The following ZNF793 variants were observed in gnomAD, a reference collection of about 807,000 sequenced individuals.
ZNF793 encodes the protein zinc finger protein 793.
A neutral mutation model predicts 12.4 loss-of-function variants in ZNF793; 5 were observed. That is an observed-to-expected ratio of 0.40 (90% CI 0.21 to 0.84). The LOEUF (loss-of-function observed/expected upper bound fraction) is 0.84. ZNF793 is among the 40% of genes least tolerant of loss of function. The pLI is 0.35. For missense variants in ZNF793, 456 were observed against 495.0 expected (o/e 0.92, Z 0.75); for synonymous variants, 162 against 172.4 (o/e 0.94, Z 0.47).
At position 37,537,406 on chromosome 19, in the gene ZNF793, A is replaced by G. The variant is rs1327437256; in HGVS notation, c.748A>G (p.Thr250Ala). 2 of 1,613,096 alleles carry G rather than the reference A, an allele frequency of 1.2e-6. No homozygotes were observed. The highest frequency in any genetic ancestry group is 1.7e-6 in the Non-Finnish European group (2 of 1,179,400). Residue 250 changes from threonine (T) to alanine (A), a missense_variant, in exon 8 of 8, where the codon ACT (threonine) becomes GCT (alanine). Physicochemically the swap from Thr to Ala is moderately conservative, Grantham distance 58. Transcript: ENST00000627814. ...SEFIRHQRSH[T>A]GEKPYGCTDC... ...ATTCATTAGGCATCAGAGAAGTCAC[A>G]CTGGGGAGAAGCCTTATGGCTGCAC...
chr19:37,537,435 CTG>C lies in ZNF793; in HGVS notation c.780_781del (p.Cys260TrpfsTer7), dbSNP rs2042515793. 1 of 1,613,460 alleles carries C rather than the reference CTG, an allele frequency of 6.2e-7. No homozygotes were observed. The highest frequency in any genetic ancestry group is 8.5e-7 in the Non-Finnish European group (1 of 1,179,628). ...GGGAGAAGCCTTATGGCTGCACTGA[CTG>C]TGGGAAAGCCTTTTCACATAAGTCA... ...TGEKPYGCTD[C>X]GKAFSHKSTL... On this transcript the variant is annotated frameshift_variant, in exon 8 of 8. Transcript: ENST00000627814. LOFTEE classifies it low-confidence loss of function (END_TRUNC).
chr19:37,513,560 G>A (rs1410123613), intron 2 of ZNF793, among the ~76,000 whole-genome samples: 2 of 152,190 alleles, frequency 1.3e-5, no homozygotes. Context: ...GTCACATCAT[G>A]TGACAAAGTG....
chr19:37,523,631 C>G (rs2042391576), intron 5 of ZNF793, among the ~76,000 whole-genome samples, 177 bp downstream of exon 5: 1 of 152,120 alleles, frequency 6.6e-6, no homozygotes, highest in South Asian at 2.1e-4. Context: ...TCTTAGAACA[C>G]CTGTAAGACA....
intron 2 of ZNF793, among the ~76,000 whole-genome samples, chr19:37,516,080 G>C (rs1307277095): frequency 6.6e-6 from 1 of 151,986 alleles, no homozygotes; most frequent in Non-Finnish European, 1.5e-5. Context: ...AGAAGATACT[G>C]AGTTCACTTT....
At chr19:37,514,657 CTT>C (rs926694620) in intron 2 of ZNF793, among the ~76,000 whole-genome samples, 1 of 147,296 alleles carries the variant, frequency 6.8e-6, no homozygotes, top group African/African-American at 2.5e-5. Flanking sequence ...TTACCCAACC[CTT>C]TTTTTTTTAT....
At chr19:37,532,598 G>A (rs900216593) in intron 6 of ZNF793, 116 bp downstream of exon 6, 29 of 1,220,138 alleles carry the variant, frequency 2.4e-5, no homozygotes, top group Non-Finnish European at 2.2e-6. Flanking sequence ...ATCACCTGAG[G>A]TCAGGAGTTT....
At chr19:37,507,777 T>C (rs1489688426) in intron 1 of ZNF793, among the ~76,000 whole-genome samples, 2 of 152,232 alleles carry the variant, frequency 1.3e-5, no homozygotes, top group Admixed American at 1.3e-4. Context: ...GGGGGCTGTG[T>C]AATTTCACTG....
chr19:37,530,671 CAGA>C (rs1188391756), intron 5 of ZNF793, among the ~76,000 whole-genome samples: 1 of 152,160 alleles, frequency 6.6e-6, no homozygotes, highest in Non-Finnish European at 1.5e-5. Flanking sequence ...CATCTCAAGG[CAGA>C]AGAATTTTTC....
In ZNF793 at chr19:37,542,591, A is replaced by G. The variant is rs1263686442; in HGVS notation, c.*4712A>G. ...AACACTAGAATCAAAGTAAATACCC[A>G]TCAACTGGGAAATTGTAGAAAGGAA... On this transcript the variant is annotated 3_prime_UTR_variant, in exon 8 of 8. Coordinates refer to ENST00000627814, the MANE Select transcript of ZNF793 (RefSeq NM_001013659.3). 3.7e-6 allele frequency: 1 copy of G among 272,206 alleles called. No homozygotes were observed. The highest frequency in any genetic ancestry group is 7.5e-6 in the Non-Finnish European group (1 of 132,598). 16.9% of individuals were successfully genotyped at this position (272,206 alleles called of 1,614,324 possible). A position where few individuals can be genotyped will look rare whatever the true frequency, so the allele number is the denominator to read the frequency against.
At chr19:37,523,805 T>C (rs73632245) in intron 5 of ZNF793, among the ~76,000 whole-genome samples, 5,160 of 152,162 alleles carry the variant, frequency 0.034, 310 homozygotes, top group African/African-American at 0.12. Flanking sequence ...CCGAGGAGGG[T>C]AGATATCCTT....
At chr19:37,522,900 TG>T (rs1331667281) in intron 4 of ZNF793, among the ~76,000 whole-genome samples, 1 of 152,230 alleles carries the variant, frequency 6.6e-6, no homozygotes, top group South Asian at 2.1e-4. Context: ...TTAAATGTCT[TG>T]GGGTGTGGGG....
chr19:37,527,136 A>G (rs1278701952), intron 5 of ZNF793, among the ~76,000 whole-genome samples: 1 of 152,032 alleles, frequency 6.6e-6, no homozygotes, highest in Non-Finnish European at 1.5e-5. Flanking sequence ...TTTGGTAGAG[A>G]TGGGGTTTTG....
At chr19:37,511,558 C>G (rs962905808) in intron 2 of ZNF793, among the ~76,000 whole-genome samples, 4 of 152,170 alleles carry the variant, frequency 2.6e-5, no homozygotes, top group Non-Finnish European at 4.4e-5. Context: ...GTAATCCCAG[C>G]TGCTCAGGAG....
chr19:37,542,389 C>T lies in ZNF793; in HGVS notation c.*4510C>T. The T allele has an allele frequency of 2.8e-6, 1 of 359,820 alleles. No individual in the cohort carries two copies. Among genetic ancestry groups the T allele is most frequent in the Non-Finnish European group, 5.5e-6 (1 of 180,894 alleles). 22.3% of individuals were successfully genotyped at this position (359,820 alleles called of 1,614,324 possible). A position where few individuals can be genotyped will look rare whatever the true frequency, so the allele number is the denominator to read the frequency against. ...ACCTGGGCAACAGAGCAAAAAGATT[C>T]CATCTCAAAAGAAAAGAAAAGAAAT... On this transcript the variant is annotated 3_prime_UTR_variant, in exon 8 of 8. Coordinates refer to ENST00000627814, the MANE Select transcript of ZNF793 (RefSeq NM_001013659.3).
intron 5 of ZNF793, among the ~76,000 whole-genome samples, chr19:37,528,510 T>C (rs1417508598): frequency 6.6e-6 from 1 of 152,012 alleles, no homozygotes; most frequent in Non-Finnish European, 1.5e-5. Context: ...CTTAGGACAT[T>C]CCAAGAGTAT....
chr19:37,526,804 C>G (rs1219595742), intron 5 of ZNF793, among the ~76,000 whole-genome samples: 1 of 152,230 alleles, frequency 6.6e-6, no homozygotes, highest in African/African-American at 2.4e-5. Context: ...CTCTCAGAGC[C>G]ACTTCGGTGC....
At chr19:37,521,487 G>A (rs990327394) in intron 3 of ZNF793, among the ~76,000 whole-genome samples, 3 of 143,768 alleles carry the variant, frequency 2.1e-5, no homozygotes, top group Non-Finnish European at 4.5e-5. Context: ...CCAGGCTGGA[G>A]TGCAATGGCG....
chr19:37,536,263 C>T (rs1055921458), intron 7 of ZNF793: 32 of 393,484 alleles, frequency 8.1e-5, no homozygotes, highest in African/African-American at 6.4e-4. Context: ...GACTGCTATA[C>T]CAGTGCTTGT....
At chr19:37,531,643 G>T (rs1199404311) in intron 5 of ZNF793, among the ~76,000 whole-genome samples, 1 of 152,126 alleles carries the variant, frequency 6.6e-6, no homozygotes, top group Non-Finnish European at 1.5e-5. Flanking sequence ...ATATCCCTGG[G>T]CTCTGAAGCC....
Sources: gnomAD v4.1 joint callset for allele counts (sites outside exome capture counted in the v4.1 genomes callset) on GRCh38, gnomAD v4.1.1 for gene constraint, MANE v1.5 for transcripts, NCBI Gene and HGNC (gene_info 2026-07-23, HGNC 2026-07-21) for gene names.